The following ATP11A variants were observed in gnomAD, a reference collection of about 807,000 sequenced individuals.
The protein encoded by ATP11A is ATPase phospholipid transporting 11A.
Under a neutral mutation model 154.4 loss-of-function variants are expected in ATP11A, and 81 were observed. That is an observed-to-expected ratio of 0.52 (90% CI 0.44 to 0.63). The LOEUF is 0.63. Ranked by LOEUF, ATP11A falls within the 30% of genes least tolerant of loss-of-function variation. ATP11A has a pLI of 0.00. For missense variants in ATP11A, 1,316 were observed against 1,474.3 expected (o/e 0.89, Z 1.76); for synonymous variants, 623 against 585.9 (o/e 1.06, Z -0.91).
chr13:112,757,794 T>G (rs1455989746), intron 1 of ATP11A, among the ~76,000 whole-genome samples: 1 of 152,262 alleles, frequency 6.6e-6, no homozygotes, highest in African/African-American at 2.4e-5. Flanking sequence ...TCTTTCTTCC[T>G]GATTGTCTTG....
intron 1 of ATP11A, among the ~76,000 whole-genome samples, chr13:112,770,242 C>T (rs1373223800): frequency 1.3e-5 from 2 of 152,120 alleles, no homozygotes; most frequent in Admixed American, 6.5e-5. Flanking sequence ...GGTCTAGGTC[C>T]GCTGGCACCC....
At position 112,806,196 on chromosome 13, in the gene ATP11A, A is replaced by G. The variant is rs377468421; in HGVS notation, c.253-17A>G. 5.9e-5 allele frequency: 93 copies of G among 1,587,968 alleles called. 1 individual carries two copies. The highest frequency in any genetic ancestry group is 3.0e-4 in the African/African-American group (22 of 74,304). ...TTGTGTTTTTGAAGATGATTTTACA[A>G]TTCTCTCTTTCTGCAGTTGATTATT... On this transcript the variant is annotated splice_polypyrimidine_tract_variant and intron_variant, in intron 3 of 29. Coordinates refer to ENST00000375645, the MANE Select transcript of ATP11A (RefSeq NM_015205.3).
intron 1 of ATP11A, among the ~76,000 whole-genome samples, chr13:112,735,793 C>G (rs911975673): frequency 6.6e-6 from 1 of 152,224 alleles, no homozygotes; most frequent in Admixed American, 6.5e-5. Context: ...TTACATTTCT[C>G]AGTGTAAAGT....
intron 17 of ATP11A, among the ~76,000 whole-genome samples, chr13:112,843,640 C>G (rs1236371979): frequency 2.6e-5 from 4 of 152,152 alleles, no homozygotes; most frequent in African/African-American, 9.7e-5. Flanking sequence ...ACTCAGCGCT[C>G]CCTTCACTGA....
At chr13:112,802,301 G>C (rs941063293) in intron 2 of ATP11A, among the ~76,000 whole-genome samples, 2 of 151,918 alleles carry the variant, frequency 1.3e-5, no homozygotes, top group Admixed American at 1.3e-4. Flanking sequence ...AGCCGAGATC[G>C]CGCCACTGCA....
At chr13:112,755,583 G>T (rs2076802407) in intron 1 of ATP11A, among the ~76,000 whole-genome samples, 1 of 152,214 alleles carries the variant, frequency 6.6e-6, no homozygotes, top group Non-Finnish European at 1.5e-5. Flanking sequence ...CCGTCACTCA[G>T]AGCAGCTCCC....
At chr13:112,730,923 C>T (rs930342532) in intron 1 of ATP11A, among the ~76,000 whole-genome samples, 3 of 152,022 alleles carry the variant, frequency 2.0e-5, no homozygotes, top group Non-Finnish European at 1.5e-5. Context: ...GTGTTCTTTC[C>T]GTAGACAGTC....
chr13:112,873,099 G>GCA, intron 26 of ATP11A, among the ~76,000 whole-genome samples: 3 of 95,020 alleles, frequency 3.2e-5, no homozygotes, highest in African/African-American at 7.7e-5. Flanking sequence ...TCTCCTTAAT[G>GCA]GTGTGAGGTG....
intron 1 of ATP11A, among the ~76,000 whole-genome samples, chr13:112,783,597 G>A (rs2078003696): frequency 6.6e-6 from 1 of 152,232 alleles, no homozygotes; most frequent in African/African-American, 2.4e-5. Context: ...CCCTCATGGA[G>A]GAGGCTTCCG....
At chr13:112,880,843 C>T in intron 29 of ATP11A, 1 of 1,126,554 alleles carries the variant, frequency 8.9e-7, no homozygotes, top group Non-Finnish European at 1.1e-6. Flanking sequence ...ACACATGGAA[C>T]ATGCTGTGCA....
intron 1 of ATP11A, among the ~76,000 whole-genome samples, chr13:112,741,609 C>T (rs190438896): frequency 4.6e-5 from 7 of 152,126 alleles, no homozygotes; most frequent in African/African-American, 1.4e-4. Flanking sequence ...CTGGAGACTC[C>T]GTCCCTGTGC....
At chr13:112,856,724 C>A (rs529407178) in intron 20 of ATP11A, 1 of 152,390 alleles carries the variant, frequency 6.6e-6, no homozygotes, top group Non-Finnish European at 1.5e-5. Flanking sequence ...AAAGTTCTGA[C>A]TTTGTTATAC....
intron 1 of ATP11A, among the ~76,000 whole-genome samples, chr13:112,701,685 T>C (rs9783572): frequency 0.065 from 9,851 of 152,042 alleles, 1,145 homozygotes; most frequent in African/African-American, 0.23. Flanking sequence ...ACAAAAAAAT[T>C]AGCTGGGCGT....
rs761671063 is a variant in ATP11A at position 112,819,267 on chromosome 13, T to C, written c.571-37T>C. 1.3e-5 allele frequency: 20 copies of C among 1,587,698 alleles called. No individual in the cohort carries two copies. The African/African-American group carries it at 2.5e-4, about 20-fold the overall frequency. On this transcript the variant is annotated intron_variant, in intron 6 of 29. Transcript: ENST00000375645. ...CCAGCGTCTGGGTTTGTGTTGACCG[T>C]TTTGGCGGTGAGCTCACATGTCTTG...
chr13:112,811,648 CA>C (rs892107768), intron 5 of ATP11A: 4 of 152,098 alleles, frequency 2.6e-5, no homozygotes, highest in African/African-American at 9.7e-5. Flanking sequence ...CTCTGTCACC[CA>C]GGCTGGAGTG....
At chr13:112,818,175 C>T (rs1051425269) in intron 6 of ATP11A, among the ~76,000 whole-genome samples, 2 of 148,756 alleles carry the variant, frequency 1.3e-5, no homozygotes, top group African/African-American at 2.5e-5. Context: ...GGTGACAGGG[C>T]GGTGACCGTC....
At chr13:112,852,948 C>T (rs762404256) in intron 18 of ATP11A, among the ~76,000 whole-genome samples, 7 of 152,136 alleles carry the variant, frequency 4.6e-5, no homozygotes, top group South Asian at 2.1e-4. Context: ...GGGCCAGGCC[C>T]GGTGGAGCAC....
chr13:112,690,511 CCCCGCAGCCCGGACCCTGTGGCCGGT>C lies in ATP11A; in HGVS notation c.39+59_39+84del. On this transcript the variant is annotated intron_variant, in intron 1 of 29. Coordinates refer to ENST00000375645, the MANE Select transcript of ATP11A (RefSeq NM_015205.3). This position sits in a 1 kb window ranked among gnomAD's most constrained non-coding sequence, Gnocchi z 5.6. Reference sequence around the variant, plus strand: ...CGGGGACCAGACAGACGCGGGCCGGCCCCGCAGCCCGGACCCTGTGGCCGGTCCAGCCCCGGGGTCCCGGGAGGTCT... The same window carrying C: ...CGGGGACCAGACAGACGCGGGCCGGCCCAGCCCCGGGGTCCCGGGAGGTCT... 4.7e-6 allele frequency: 6 copies of C among 1,268,334 alleles called. No homozygotes were observed. The highest frequency in any genetic ancestry group is 6.0e-6 in the Non-Finnish European group (6 of 1,006,340). The allele number at this position is 1,268,334 out of a possible 1,614,324, so 78.6% of individuals were successfully genotyped here.
chr13:112,828,118 G>A (rs12020594), intron 12 of ATP11A, among the ~76,000 whole-genome samples: 17 of 122,320 alleles, frequency 1.4e-4, no homozygotes, highest in East Asian at 2.6e-4. Context: ...TGAGTGGGGG[G>A]AAGCGCCCAG....
Sources: gnomAD v4.1 joint callset for allele counts (sites outside exome capture counted in the v4.1 genomes callset) on GRCh38, gnomAD v4.1.1 for gene constraint, Gnocchi (gnomAD v3.1) non-coding constraint, MANE v1.5 for transcripts, NCBI Gene and HGNC (gene_info 2026-07-23, HGNC 2026-07-21) for gene names.